Variants in NECAB2 observed in about 807,000 individuals in gnomAD.
NECAB2 encodes N-terminal EF-hand calcium-binding protein 2.
NECAB2 carries 68 observed loss-of-function variants against 51.9 expected under a neutral mutation model. That is an observed-to-expected ratio of 1.31 (90% CI 1.08 to 1.60). NECAB2 has a LOEUF of 1.60. NECAB2 is among the 40% of genes most tolerant of loss of function. NECAB2 has a pLI of 0.00. For synonymous variants in NECAB2, 329 were observed against 203.5 expected, an observed-to-expected ratio of 1.62 and a Z score of -5.25; for missense variants, 854 against 490.3, an observed-to-expected ratio of 1.74 and a Z score of -7.00.
At chr16:83,999,330 G>T (rs563032178) in intron 10 of NECAB2, among the ~76,000 whole-genome samples, 1 of 152,152 alleles carries the variant, frequency 6.6e-6, no homozygotes, top group Admixed American at 6.5e-5. Context: ...GGCCAGACTT[G>T]ATCTTTTTCC....
chr16:83,995,992 C>T (rs964904610), intron 8 of NECAB2, among the ~76,000 whole-genome samples: 2 of 152,216 alleles, frequency 1.3e-5, no homozygotes, highest in African/African-American at 2.4e-5. Flanking sequence ...AGTACCTGGG[C>T]GTCCTGGAGA....
chr16:83,988,497 A>G (rs959866625), intron 5 of NECAB2, among the ~76,000 whole-genome samples: 2 of 152,210 alleles, frequency 1.3e-5, no homozygotes, highest in African/African-American at 2.4e-5. Context: ...ACTAAATCCA[A>G]TATAGTTGAA....
rs142909103 is a variant in NECAB2 at position 83,978,532 on chromosome 16, G to C, written c.315G>C (p.Thr105=). The C allele has an allele frequency of 4.5e-3, 7,212 of 1,613,480 alleles. 52 individuals carry two copies. The highest frequency in any genetic ancestry group is 0.02 in the South Asian group (1,822 of 91,032). ...AAGAACTGGAGGATCTCTTTCACAC[G>C]ATTGACTCTGACAACACCAAGTGAG... is the stretch of plus-strand genomic sequence containing the variant. The part of the protein sequence containing the change: ...NEKELEDLFH[T]IDSDNTNHVD... Residue 105 remains threonine, a synonymous_variant, in exon 3 of 13, where the codon ACG becomes ACC. Coordinates refer to ENST00000305202, the MANE Select transcript of NECAB2 (RefSeq NM_019065.3).
At chr16:83,973,977 C>T (rs2084376829) in intron 2 of NECAB2, among the ~76,000 whole-genome samples, 1 of 152,070 alleles carries the variant, frequency 6.6e-6, no homozygotes, top group African/African-American at 2.4e-5. Context: ...GCCTGGCCCC[C>T]TCGGGCACAG....
At chr16:83,991,803 C>T (rs2084629242) in intron 6 of NECAB2, among the ~76,000 whole-genome samples, 1 of 151,018 alleles carries the variant, frequency 6.6e-6, no homozygotes, top group South Asian at 2.1e-4. Flanking sequence ...TGTAGTCCCA[C>T]CCACACCCAG....
chr16:84,000,059 T>A (rs532779166), intron 10 of NECAB2, among the ~76,000 whole-genome samples: 1,483 of 114,268 alleles, frequency 0.013, 19 homozygotes, highest in Middle Eastern at 0.017. Context: ...GCAAGTTTTA[T>A]TTTTTTTTTT....
intron 5 of NECAB2, among the ~76,000 whole-genome samples, chr16:83,981,398 C>G (rs886723742): frequency 7.1e-6 from 1 of 141,220 alleles, no homozygotes; most frequent in Non-Finnish European, 1.5e-5. Flanking sequence ...CGCAATCACC[C>G]TGTGCCCTTA....
In NECAB2 at chr16:84,000,885, G is replaced by C. The variant is rs533078827; in HGVS notation, c.1040+84G>C. On this transcript the variant is annotated intron_variant, in intron 11 of 12. Transcript: ENST00000305202. ...TTCCTGGAGCCAGGCATCCTTGGAG[G>C]GGAGGGTAAGGCCGAGTCCAGTCAG... The C allele has an allele frequency of 3.1e-4, 430 of 1,370,718 alleles. 4 individuals are homozygous for C. In the African/African-American group the frequency reaches 5.7e-3, roughly 18 times the overall value. 84.9% of individuals were successfully genotyped at this position (1,370,718 alleles called of 1,614,324 possible). A position where few individuals can be genotyped will look rare whatever the true frequency, so the allele number is the denominator to read the frequency against.
At chr16:83,991,953 G>A (rs567479369) in intron 6 of NECAB2, among the ~76,000 whole-genome samples, 2 of 151,704 alleles carry the variant, frequency 1.3e-5, no homozygotes, top group East Asian at 3.9e-4. Context: ...CCACACCCCA[G>A]CCCACTTTTG....
intron 5 of NECAB2, 116 bp downstream of exon 5, chr16:83,981,243 G>A: frequency 2.2e-6 from 2 of 892,304 alleles, no homozygotes; most frequent in South Asian, 3.1e-5. Flanking sequence ...CTATCTCAGG[G>A]GTGGGCTTTG....
At position 83,984,663 on chromosome 16, in the gene NECAB2, C is replaced by T. The variant is rs116566580; in HGVS notation, c.459+3536C>T. ...AGAGGATCTCTGGAGCCTGGGAAGT[C>T]GAGGCTGCAGTGAGGCACAGCATGC... On this transcript the variant is annotated intron_variant, in intron 5 of 12. Coordinates refer to ENST00000305202, the MANE Select transcript of NECAB2 (RefSeq NM_019065.3). 7.6e-4 allele frequency among the ~76,000 whole-genome samples: 115 copies of T among 152,078 alleles called. 1 individual carries two copies. Among genetic ancestry groups the T allele is most frequent in the African/African-American group, 2.7e-3 (111 of 41,500 alleles).
chr16:83,980,231 C>T (rs550980831), intron 3 of NECAB2, among the ~76,000 whole-genome samples: 37 of 152,314 alleles, frequency 2.4e-4, no homozygotes, highest in East Asian at 7.7e-4. Context: ...CAAATCTGCT[C>T]CTAAGCTGCA....
Position 83,975,848 on chromosome 16 carries a change from A to G in NECAB2, c.227-2596A>G, listed in dbSNP as rs77473238. Among the ~76,000 whole-genome samples, 1,104 of 152,296 alleles carry G rather than the reference A, an allele frequency of 7.2e-3. 10 individuals are homozygous for G. Among genetic ancestry groups the G allele is most frequent in the African/African-American group, 0.025 (1,046 of 41,570 alleles). On this transcript the variant is annotated intron_variant, in intron 2 of 12. Coordinates refer to ENST00000305202, the MANE Select transcript of NECAB2 (RefSeq NM_019065.3). ...AACGGCCCGCTTGGGGTCTCTGGCA[A>G]AAGTGCCAGCGCGGGCCCGCTTGGC...
At chr16:83,978,936 G>C (rs979993520) in intron 3 of NECAB2, among the ~76,000 whole-genome samples, 41 of 152,216 alleles carry the variant, frequency 2.7e-4, no homozygotes, top group African/African-American at 9.4e-4. Context: ...TTAACTGTGA[G>C]GTTGAACGTC....
intron 1 of NECAB2, 67 bp downstream of exon 1, chr16:83,968,916 C>A: frequency 1.0e-6 from 1 of 981,690 alleles, no homozygotes; most frequent in South Asian, 4.8e-5. Context: ...CTCCGCCCCT[C>A]GGGCGGACCC....
intron 2 of NECAB2, among the ~76,000 whole-genome samples, chr16:83,976,359 C>T (rs752102084): frequency 2.0e-5 from 3 of 152,194 alleles, no homozygotes; most frequent in Non-Finnish European, 4.4e-5. Context: ...CCTCAGTTTA[C>T]CCCTCTCTAA....
chr16:83,983,096 T>G (rs1267724633), intron 5 of NECAB2, among the ~76,000 whole-genome samples: 2 of 152,158 alleles, frequency 1.3e-5, no homozygotes, highest in Non-Finnish European at 2.9e-5. Context: ...CTCAAAGTCC[T>G]GACTTGAGGT....
chr16:83,970,962 C>G (rs774592866), intron 1 of NECAB2, among the ~76,000 whole-genome samples: 2 of 152,078 alleles, frequency 1.3e-5, no homozygotes, highest in African/African-American at 2.4e-5. Context: ...GTTGTGATGG[C>G]GGGCGTCTGT....
At chr16:83,988,653 T>G (rs185136948) in intron 5 of NECAB2, among the ~76,000 whole-genome samples, 1 of 152,244 alleles carries the variant, frequency 6.6e-6, no homozygotes, top group South Asian at 2.1e-4. Flanking sequence ...GGACAAACTC[T>G]TAAGCATTGT....
Sources: allele counts gnomAD v4.1 joint callset (sites outside exome capture counted in the v4.1 genomes callset), GRCh38; gene constraint gnomAD v4.1.1; transcripts MANE v1.5; gene names NCBI Gene and HGNC (gene_info 2026-07-23, HGNC 2026-07-21).